Variants in ADAM32 observed in about 807,000 individuals in gnomAD.
ADAM32 encodes the protein ADAM metallopeptidase domain 32.
A neutral mutation model predicts 114.9 loss-of-function variants in ADAM32; 89 were observed. The ratio of observed to expected loss-of-function variants is 0.77; its 90% CI spans 0.65 to 0.92. The LOEUF is 0.92. Ranked by LOEUF, ADAM32 falls within the 40% of genes least tolerant of loss-of-function variation. The pLI, the probability that ADAM32 is intolerant of heterozygous loss-of-function variation, is 0.00. For missense variants in ADAM32, 870 were observed against 932.8 expected (o/e 0.93, Z 0.88); for synonymous variants, 285 against 307.5 (o/e 0.93, Z 0.77).
At chr8:39,231,015 C>A (rs886942181) in intron 14 of ADAM32, among the ~76,000 whole-genome samples, 1 of 152,016 alleles carries the variant, frequency 6.6e-6, no homozygotes, top group Non-Finnish European at 1.5e-5. Context: ...TGGATAATTC[C>A]CTCCCTTTGA....
intron 2 of ADAM32, chr8:39,130,931 T>C: frequency 2.3e-6 from 1 of 443,108 alleles, no homozygotes; most frequent in Non-Finnish European, 4.5e-6. Context: ...TCCCGGCATT[T>C]TGGGAGACTG....
intron 3 of ADAM32, among the ~76,000 whole-genome samples, chr8:39,139,926 C>T (rs186834421): frequency 2.6e-3 from 396 of 152,250 alleles, no homozygotes; most frequent in African/African-American, 9.1e-3. Flanking sequence ...ATTTTATTCT[C>T]TTCGTAGTAG....
intron 10 of ADAM32, among the ~76,000 whole-genome samples, chr8:39,176,107 T>C (rs1805510835): frequency 1.3e-5 from 2 of 152,152 alleles, no homozygotes; most frequent in South Asian, 4.1e-4. Flanking sequence ...GTGGTTTATC[T>C]ATTATATTAA....
chr8:39,260,981 A>G (rs1811985687), intron 19 of ADAM32, among the ~76,000 whole-genome samples: 1 of 152,094 alleles, frequency 6.6e-6, no homozygotes, highest in Non-Finnish European at 1.5e-5. Context: ...TGGGGCACAC[A>G]GGGATGTTTC....
chr8:39,149,692 T>G, intron 4 of ADAM32, 99 bp from the exon 5 acceptor site: 1 of 854,490 alleles, frequency 1.2e-6, no homozygotes, highest in South Asian at 1.9e-5. Flanking sequence ...ACGGAGCCTG[T>G]GAAAAATATT....
At chr8:39,275,945 TTAC>T in intron 22 of ADAM32, 79 bp downstream of exon 22, 3 of 1,350,672 alleles carry the variant, frequency 2.2e-6, no homozygotes, top group Non-Finnish European at 3.0e-6. Flanking sequence ...TAATTAACAA[TTAC>T]TTGCTAACTA....
chr8:39,109,988 AT>A (rs1275087298), intron 1 of ADAM32, among the ~76,000 whole-genome samples: 2 of 139,392 alleles, frequency 1.4e-5, no homozygotes, highest in Middle Eastern at 3.9e-3. Flanking sequence ...ATATGTAGCC[AT>A]TTTGGATGGA....
At chr8:39,283,508 C>G in intron 23 of ADAM32, 78 bp from the exon 24 acceptor site, 1 of 1,157,062 alleles carries the variant, frequency 8.6e-7, no homozygotes. Flanking sequence ...GAAGAAATTG[C>G]CATAACAAAT....
At chr8:39,150,645 T>A (rs1175733769) in intron 5 of ADAM32, among the ~76,000 whole-genome samples, 1 of 152,158 alleles carries the variant, frequency 6.6e-6, no homozygotes, top group Non-Finnish European at 1.5e-5. Flanking sequence ...GTAGGGTGTT[T>A]GTTTTCACAA....
chr8:39,229,998 C>T (rs1216324938), intron 14 of ADAM32, among the ~76,000 whole-genome samples: 1 of 152,188 alleles, frequency 6.6e-6, no homozygotes, highest in African/African-American at 2.4e-5. Context: ...CAAGCACTCT[C>T]TCAGACCACA....
intron 14 of ADAM32, among the ~76,000 whole-genome samples, chr8:39,231,610 T>G (rs1278439062): frequency 6.6e-6 from 1 of 152,206 alleles, no homozygotes; most frequent in Non-Finnish European, 1.5e-5. Context: ...GTCCCTTAAA[T>G]TTAGACTACC....
chr8:39,216,118 C>G (rs1190663823), intron 12 of ADAM32, among the ~76,000 whole-genome samples: 1 of 151,906 alleles, frequency 6.6e-6, no homozygotes. Flanking sequence ...TTGTTATATA[C>G]TCTTGCTGAA....
At chr8:39,149,905 T>A in intron 5 of ADAM32, 38 bp downstream of exon 5, 3 of 1,523,574 alleles carry the variant, frequency 2.0e-6, no homozygotes, top group Non-Finnish European at 2.7e-6. Context: ...ACCTTAGTTA[T>A]GATATTTGGC....
intron 2 of ADAM32, among the ~76,000 whole-genome samples, chr8:39,135,216 A>G (rs1397890514): frequency 1.3e-5 from 2 of 152,232 alleles, no homozygotes; most frequent in South Asian, 2.1e-4. Flanking sequence ...CAGTTATCAC[A>G]TTCAGATCAG....
At chr8:39,119,136 T>C (rs192361115) in intron 2 of ADAM32, among the ~76,000 whole-genome samples, 1 of 152,354 alleles carries the variant, frequency 6.6e-6, no homozygotes, top group East Asian at 1.9e-4. Context: ...CTCCAGTTGA[T>C]GGACTTTGGA....
intron 12 of ADAM32, among the ~76,000 whole-genome samples, chr8:39,219,010 C>T (rs1249221026): frequency 6.6e-6 from 1 of 152,070 alleles, no homozygotes; most frequent in African/African-American, 2.4e-5. Context: ...TCCTTCCATT[C>T]AAGGCAGCAG....
intron 5 of ADAM32, among the ~76,000 whole-genome samples, chr8:39,150,716 AT>A (rs1365274247): frequency 6.6e-6 from 1 of 152,092 alleles, no homozygotes; most frequent in African/African-American, 2.4e-5. Flanking sequence ...TGAAATTTAT[AT>A]TTTAGGGAGT....
chr8:39,114,966 T>C (rs185444622), intron 1 of ADAM32, among the ~76,000 whole-genome samples: 24 of 152,322 alleles, frequency 1.6e-4, no homozygotes, highest in Admixed American at 1.4e-3. Flanking sequence ...TGAGAATATG[T>C]GGTATTTGGT....
chr8:39,241,906 T>C (rs1227970332), intron 16 of ADAM32, among the ~76,000 whole-genome samples: 1 of 152,262 alleles, frequency 6.6e-6, no homozygotes, highest in Admixed American at 6.5e-5. Flanking sequence ...TCTATTGTGC[T>C]ATCAGGCTGC....
Sources: gnomAD v4.1 joint callset for allele counts (sites outside exome capture counted in the v4.1 genomes callset) on GRCh38, gnomAD v4.1.1 for gene constraint, MANE v1.5 for transcripts, NCBI Gene and HGNC (gene_info 2026-07-23, HGNC 2026-07-21) for gene names.